Variants in ZNF474 observed in about 807,000 individuals in gnomAD.
ZNF474 encodes the protein 4933409D10Rik.
For missense variants in ZNF474, 511 were observed against 433.8 expected (o/e 1.18, Z -1.58); for synonymous variants, 192 against 162.2 (o/e 1.18, Z -1.39).
intron 1 of ZNF474, among the ~76,000 whole-genome samples, chr5:122,146,304 A>G (rs1755987531): frequency 6.6e-6 from 1 of 152,192 alleles, no homozygotes; most frequent in East Asian, 1.9e-4. Flanking sequence ...CAATTTTGCT[A>G]TCTGCTAGCT....
intron 1 of ZNF474, among the ~76,000 whole-genome samples, chr5:122,140,216 A>G (rs954096177): frequency 3.3e-5 from 5 of 152,216 alleles, no homozygotes; most frequent in Non-Finnish European, 7.3e-5. Context: ...CTTATTAAAA[A>G]CAGCAGTAGT....
intron 1 of ZNF474, among the ~76,000 whole-genome samples, chr5:122,141,528 T>C (rs2152604889): frequency 6.6e-6 from 1 of 152,136 alleles, no homozygotes; most frequent in African/African-American, 2.4e-5. Flanking sequence ...AGGATGTTCT[T>C]GATCTCTTGA....
chr5:122,137,478 G>T (rs868868583), intron 1 of ZNF474, among the ~76,000 whole-genome samples: 17 of 78,530 alleles, frequency 2.2e-4, no homozygotes, highest in Non-Finnish European at 1.8e-4. Context: ...AAAAAAAAAA[G>T]AGTAGTTAAG....
chr5:122,135,511 T>C (rs942005268), intron 1 of ZNF474, among the ~76,000 whole-genome samples: 2 of 152,130 alleles, frequency 1.3e-5, no homozygotes, highest in Non-Finnish European at 2.9e-5. Context: ...GGCGAGGATG[T>C]GGAGAAAGGG....
intron 1 of ZNF474, among the ~76,000 whole-genome samples, chr5:122,151,376 G>A (rs943246128): frequency 3.9e-5 from 6 of 152,094 alleles, no homozygotes; most frequent in African/African-American, 7.2e-5. Flanking sequence ...GGGGCCCAGG[G>A]GGTCTTTTCG....
intron 1 of ZNF474, among the ~76,000 whole-genome samples, chr5:122,151,441 A>G (rs1011296074): frequency 3.3e-5 from 5 of 151,990 alleles, no homozygotes; most frequent in African/African-American, 4.8e-5. Flanking sequence ...TTTCTCTTCT[A>G]TGGTCTCACC....
intron 1 of ZNF474, among the ~76,000 whole-genome samples, chr5:122,136,469 T>A (rs1462693493): frequency 6.6e-6 from 1 of 152,166 alleles, no homozygotes; most frequent in Non-Finnish European, 1.5e-5. Flanking sequence ...CCAGCACAAG[T>A]GACTAGCTGC....
Position 122,152,085 on chromosome 5 carries a change from T to C in ZNF474, c.95T>C (p.Leu32Pro). 6.2e-7 allele frequency: 1 copy of C among 1,614,196 alleles called. No individual in the cohort carries two copies. The highest frequency in any genetic ancestry group is 2.2e-5 in the East Asian group (1 of 44,880). The change falls in exon 2 of 2, where the codon CTT (leucine) becomes CCT (proline). Residue 32 changes from leucine (L) to proline (P), a missense_variant. Coordinates refer to ENST00000296600, the MANE Select transcript of ZNF474 (RefSeq NM_207317.3). ...EPTFLINQAG[L>P]LSSDSYSSLS... ...ACTTTCCTTATCAACCAAGCTGGGC[T>C]TCTCTCTAGTGACTCCTATTCTAGC...
At chr5:122,149,019 C>G (rs984474191) in intron 1 of ZNF474, among the ~76,000 whole-genome samples, 1 of 152,088 alleles carries the variant, frequency 6.6e-6, no homozygotes, top group Non-Finnish European at 1.5e-5. Context: ...CATGAACCAC[C>G]GCGCCCGGCC....
intron 1 of ZNF474, among the ~76,000 whole-genome samples, chr5:122,147,704 T>C (rs1756028535): frequency 6.6e-6 from 1 of 152,226 alleles, no homozygotes. Context: ...GGACATGAAC[T>C]CATCCTCAAA....
intron 1 of ZNF474, among the ~76,000 whole-genome samples, chr5:122,133,813 G>A (rs563854001): frequency 2.6e-5 from 4 of 152,144 alleles, no homozygotes; most frequent in Non-Finnish European, 5.9e-5. Context: ...CTCCCACCCT[G>A]GTTCCCAAAA....
At chr5:122,144,350 T>C (rs976928699) in intron 1 of ZNF474, among the ~76,000 whole-genome samples, 1 of 152,168 alleles carries the variant, frequency 6.6e-6, no homozygotes, top group African/African-American at 2.4e-5. Context: ...AAGCATGAAC[T>C]ATAAATTAGT....
At chr5:122,150,430 A>C (rs934154622) in intron 1 of ZNF474, among the ~76,000 whole-genome samples, 1 of 152,202 alleles carries the variant, frequency 6.6e-6, no homozygotes, top group African/African-American at 2.4e-5. Context: ...CTGGGCACAG[A>C]TATCACAGCT....
intron 1 of ZNF474, among the ~76,000 whole-genome samples, chr5:122,150,296 A>C (rs1159572796): frequency 6.6e-6 from 1 of 152,182 alleles, no homozygotes; most frequent in Non-Finnish European, 1.5e-5. Context: ...CTTTTCCCAC[A>C]TCTGTTAACA....
Position 122,152,625 on chromosome 5 carries a change from G to C in ZNF474, c.635G>C (p.Cys212Ser), listed in dbSNP as rs1756222222. 1 of 1,614,208 alleles carries C rather than the reference G, an allele frequency of 6.2e-7. No individual in the cohort carries two copies. Among genetic ancestry groups the C allele is most frequent in the Admixed American group, 1.7e-5 (1 of 60,024 alleles). The change falls in exon 2 of 2, where the codon TGT (cysteine) becomes TCT (serine). Residue 212 changes from cysteine to serine, a missense_variant. By Grantham distance (112) the Cys-to-Ser change is moderately radical (BLOSUM62 -1). Coordinates refer to ENST00000296600, the MANE Select transcript of ZNF474 (RefSeq NM_207317.3). ...SDHLTGLKKACSGTPARPRTV... is the reference protein window; with the variant it reads ...SDHLTGLKKASSGTPARPRTV... ...CATCTTACTGGCCTCAAGAAAGCTTGTAGTGGAACCCCAGCCCGACCAAGG... is the reference window on the plus strand; with the variant it reads ...CATCTTACTGGCCTCAAGAAAGCTTCTAGTGGAACCCCAGCCCGACCAAGG...
rs1364998844 is a variant in ZNF474 at position 122,153,356 on chromosome 5, G to C, written c.*271G>C. 2.4e-6 allele frequency: 1 copy of C among 413,642 alleles called. No individual in the cohort carries two copies. Among genetic ancestry groups the C allele is most frequent in the Admixed American group, 4.0e-5 (1 of 24,798 alleles). The allele number at this position is 413,642 out of a possible 1,614,324, so 25.6% of individuals were successfully genotyped here. A position where few individuals can be genotyped will look rare whatever the true frequency, so the allele number is the denominator to read the frequency against. ...TAATCCCTGGGAGAGACAGTAATTT[G>C]AAAATGAGTCATTAATGCTGTGTCT... On this transcript the variant is annotated 3_prime_UTR_variant, in exon 2 of 2. Transcript: ENST00000296600.
intron 1 of ZNF474, among the ~76,000 whole-genome samples, chr5:122,134,809 T>C (rs1165523667): frequency 6.6e-6 from 1 of 152,130 alleles, no homozygotes; most frequent in Non-Finnish European, 1.5e-5. Flanking sequence ...TGCAGAAGAA[T>C]GAAATGAAAC....
intron 1 of ZNF474, among the ~76,000 whole-genome samples, chr5:122,150,884 T>C (rs1007193022): frequency 2.0e-5 from 3 of 152,168 alleles, no homozygotes; most frequent in African/African-American, 7.2e-5. Context: ...AAAAAGAGCC[T>C]CAAGCAGCAT....
intron 1 of ZNF474, among the ~76,000 whole-genome samples, chr5:122,141,453 C>A (rs1362176796): frequency 6.6e-6 from 1 of 151,910 alleles, no homozygotes; most frequent in African/African-American, 2.4e-5. Flanking sequence ...GGACTACAGG[C>A]ATGTGCCACC....
Sources: allele counts gnomAD v4.1 joint callset (sites outside exome capture counted in the v4.1 genomes callset), GRCh38; gene constraint gnomAD v4.1.1; transcripts MANE v1.5; gene names NCBI Gene and HGNC (gene_info 2026-07-23, HGNC 2026-07-21).